The following CALN1 variants were observed in gnomAD, a reference collection of about 807,000 sequenced individuals.
CALN1 encodes the protein calcium-binding protein 8.
In CALN1, 17 loss-of-function variants were observed where a neutral mutation model predicts 30.6. That is an observed-to-expected ratio of 0.56 (90% CI 0.38 to 0.83). The LOEUF (loss-of-function observed/expected upper bound fraction) is 0.83. Among genes scored for constraint, CALN1 ranks in the 40% least tolerant of loss-of-function variants. CALN1 has a pLI of 0.00. For synonymous variants in CALN1, 156 were observed against 131.4 expected (o/e 1.19, Z -1.28); for missense variants, 291 against 354.9 (o/e 0.82, Z 1.45).
intron 5 of CALN1, among the ~76,000 whole-genome samples, chr7:71,985,931 A>G (rs536208411): frequency 6.6e-6 from 1 of 152,090 alleles, no homozygotes; most frequent in African/African-American, 2.4e-5. Context: ...GTAATAATAA[A>G]AATTTGGAAG....
chr7:72,392,262 A>T (rs1468714570), intron 2 of CALN1, among the ~76,000 whole-genome samples: 7 of 152,342 alleles, frequency 4.6e-5, no homozygotes, highest in Admixed American at 4.6e-4. Flanking sequence ...CAGAGGTACC[A>T]GACATCTCGG....
intron 2 of CALN1, among the ~76,000 whole-genome samples, chr7:72,309,842 G>A (rs867310187): frequency 6.6e-6 from 1 of 152,156 alleles, no homozygotes; most frequent in South Asian, 2.1e-4. Context: ...CAGGTCCAGG[G>A]AGATTTGCTG....
At chr7:72,330,239 G>A (rs1324540467) in intron 2 of CALN1, among the ~76,000 whole-genome samples, 3 of 152,202 alleles carry the variant, frequency 2.0e-5, no homozygotes, top group Admixed American at 1.3e-4. Context: ...GGTGCAGGGA[G>A]TTGAGATCAT....
chr7:72,289,512 G>C (rs1295632913), intron 2 of CALN1, among the ~76,000 whole-genome samples: 1 of 152,144 alleles, frequency 6.6e-6, no homozygotes, highest in Non-Finnish European at 1.5e-5. Flanking sequence ...AAACACTCTT[G>C]ATGTGTAGCA....
intron 4 of CALN1, among the ~76,000 whole-genome samples, chr7:72,091,821 T>A (rs1453971695): frequency 2.0e-5 from 3 of 152,200 alleles, no homozygotes; most frequent in African/African-American, 7.2e-5. Flanking sequence ...CTCCAATATT[T>A]TAACAGGAGA....
chr7:72,316,142 CT>C (rs1800428495), intron 2 of CALN1, among the ~76,000 whole-genome samples: 1 of 123,948 alleles, frequency 8.1e-6, no homozygotes, highest in African/African-American at 2.8e-5. Flanking sequence ...CAGATTATGT[CT>C]TTAAAAAAAA....
intron 5 of CALN1, among the ~76,000 whole-genome samples, chr7:71,832,528 GACTGCTGAAAACCCTTC>G (rs1789350169): frequency 6.6e-6 from 1 of 152,180 alleles, no homozygotes; most frequent in African/African-American, 2.4e-5. Flanking sequence ...ATGCCAAGGT[GACTGCTGAAAACCCTTC>G]AATGACTCTT....
intron 2 of CALN1, among the ~76,000 whole-genome samples, 155 bp downstream of exon 2, chr7:72,403,096 C>A (rs1326869014): frequency 6.6e-6 from 1 of 152,162 alleles, no homozygotes; most frequent in East Asian, 1.9e-4. Context: ...AATCTCTGTA[C>A]CCAGCCAGGA....
At chr7:72,222,732 G>C (rs1022696223) in intron 3 of CALN1, among the ~76,000 whole-genome samples, 1 of 152,056 alleles carries the variant, frequency 6.6e-6, no homozygotes, top group Non-Finnish European at 1.5e-5. Flanking sequence ...TAAAAAGAAA[G>C]GGAGAAGGCC....
intron 5 of CALN1, among the ~76,000 whole-genome samples, chr7:71,990,931 A>C (rs1036623341): frequency 9.9e-5 from 15 of 152,088 alleles, no homozygotes; most frequent in African/African-American, 3.6e-4. Flanking sequence ...CACTCCAGAA[A>C]TCAAGGAGTA....
At chr7:72,084,290 C>T (rs1055400602) in intron 4 of CALN1, among the ~76,000 whole-genome samples, 1 of 152,148 alleles carries the variant, frequency 6.6e-6, no homozygotes, top group African/African-American at 2.4e-5. Flanking sequence ...ACCTCAACTT[C>T]TACCACACTC....
intron 2 of CALN1, among the ~76,000 whole-genome samples, chr7:72,378,254 A>G (rs1322070362): frequency 2.6e-5 from 4 of 152,134 alleles, no homozygotes; most frequent in Admixed American, 2.6e-4. Flanking sequence ...GGTTTATTCT[A>G]TTACCAGTAC....
At chr7:72,319,566 G>A (rs1465616381) in intron 2 of CALN1, among the ~76,000 whole-genome samples, 1 of 151,974 alleles carries the variant, frequency 6.6e-6, no homozygotes, top group African/African-American at 2.4e-5. Flanking sequence ...TACACACAAT[G>A]GAATACTACT....
intron 3 of CALN1, among the ~76,000 whole-genome samples, chr7:72,231,739 A>G (rs1190151256): frequency 6.6e-6 from 1 of 152,218 alleles, no homozygotes; most frequent in Non-Finnish European, 1.5e-5. Flanking sequence ...GCTATCCGTG[A>G]TTTCAGGCAT....
intron 5 of CALN1, among the ~76,000 whole-genome samples, chr7:71,962,553 T>G (rs901324765): frequency 6.6e-6 from 1 of 152,160 alleles, no homozygotes; most frequent in African/African-American, 2.4e-5. Flanking sequence ...ATATAGAGAG[T>G]GAATATTTCC....
intron 3 of CALN1, among the ~76,000 whole-genome samples, chr7:72,200,422 C>T (rs1262820644): frequency 1.3e-5 from 2 of 152,184 alleles, no homozygotes; most frequent in East Asian, 3.8e-4. Flanking sequence ...ATAGTGAGCA[C>T]TCAGTTTATT....
At chr7:72,344,159 G>C (rs1802510252) in intron 2 of CALN1, among the ~76,000 whole-genome samples, 1 of 152,094 alleles carries the variant, frequency 6.6e-6, no homozygotes, top group South Asian at 2.1e-4. Flanking sequence ...TTCCGGGCCT[G>C]TCTGCAGCTA....
At chr7:71,990,493 C>T (rs1798891330) in intron 5 of CALN1, among the ~76,000 whole-genome samples, 1 of 151,908 alleles carries the variant, frequency 6.6e-6, no homozygotes, top group Non-Finnish European at 1.5e-5. Context: ...CATTCTGTCA[C>T]CTAGGCTGGA....
intron 3 of CALN1, among the ~76,000 whole-genome samples, chr7:72,221,931 G>A (rs1216806700): frequency 3.3e-5 from 5 of 151,534 alleles, no homozygotes; most frequent in Non-Finnish European, 7.4e-5. Flanking sequence ...AACCTATAAA[G>A]AAAAGAGTTT....
Sources: gnomAD v4.1 joint callset for allele counts (sites outside exome capture counted in the v4.1 genomes callset) on GRCh38, gnomAD v4.1.1 for gene constraint, MANE v1.5 for transcripts, NCBI Gene and HGNC (gene_info 2026-07-23, HGNC 2026-07-21) for gene names.